Variants in IWS1 observed in about 807,000 individuals in gnomAD.
IWS1 encodes protein IWS1 homolog.
A neutral mutation model predicts 86.7 loss-of-function variants in IWS1; 27 were observed. The ratio of observed to expected loss-of-function variants is 0.31; its 90% CI spans 0.23 to 0.43. IWS1 has a LOEUF of 0.43. IWS1 is among the 20% of genes least tolerant of loss of function. The pLI, the probability that IWS1 is intolerant of heterozygous loss-of-function variation, is 1.00. For synonymous variants in IWS1, 313 were observed against 335.1 expected (o/e 0.93, Z 0.72); for missense variants, 827 against 1,000.8 (o/e 0.83, Z 2.34).
intron 2 of IWS1, among the ~76,000 whole-genome samples, chr2:127,516,923 AG>A (rs1691807707): frequency 6.6e-6 from 1 of 152,248 alleles, no homozygotes; most frequent in Non-Finnish European, 1.5e-5. Context: ...GCAATATACA[AG>A]GTTTGTTCCC....
chr2:127,496,146 A>G lies in IWS1; in HGVS notation c.1568T>C (p.Met523Thr). 6.2e-7 allele frequency: 1 copy of G among 1,607,246 alleles called. No homozygotes were observed. Among genetic ancestry groups the G allele is most frequent in the South Asian group, 1.1e-5 (1 of 89,590 alleles). Reference sequence around the variant, plus strand: ...CATCTCAAAATCTGACAGAAAGTCCATACTAAAGCAGTAAACAAAAGCAAG... The same window carrying G: ...CATCTCAAAATCTGACAGAAAGTCCGTACTAAAGCAGTAAACAAAAGCAAG... The part of the protein sequence containing the change: ...SDDNIKRGKH[M>T]DFLSDFEMML... Residue 523 changes from methionine (M) to threonine (T), a missense_variant and splice_region_variant, in exon 7 of 14, where the codon ATG (methionine) becomes ACG (threonine). By Grantham distance (81) the Met-to-Thr change is moderately conservative. This residue lies in a region of IWS1 where 279 missense variants were observed against 440.6 expected (regional missense o/e 0.63). Transcript: ENST00000295321.
At chr2:127,491,563 C>T (rs549787902) in intron 10 of IWS1, among the ~76,000 whole-genome samples, 9 of 152,292 alleles carry the variant, frequency 5.9e-5, no homozygotes, top group East Asian at 3.9e-4. Flanking sequence ...CCTGCCTCAG[C>T]CTCCCGAGTA....
At chr2:127,520,435 G>A (rs1692032743) in intron 2 of IWS1, among the ~76,000 whole-genome samples, 1 of 152,136 alleles carries the variant, frequency 6.6e-6, no homozygotes, top group African/African-American at 2.4e-5. Flanking sequence ...CCAAAGTGCT[G>A]GGATTACAGG....
Position 127,498,099 on chromosome 2 carries a change from T to C in IWS1, c.1565+41A>G, listed in dbSNP as rs757315757. 2.7e-6 allele frequency: 4 copies of C among 1,476,212 alleles called. No individual in the cohort carries two copies. In the Admixed American group the frequency reaches 7.0e-5, roughly 26 times the overall value. The allele number at this position is 1,476,212 out of a possible 1,614,324, so 91.4% of individuals were successfully genotyped here. On this transcript the variant is annotated intron_variant, in intron 6 of 13. Coordinates refer to ENST00000295321, the MANE Select transcript of IWS1 (RefSeq NM_017969.3). ...GAGTTTAATAGTCTCTACCTTGATT[T>C]TTAAACTTCTCTTTAACAAATTCCT...
chr2:127,489,793 T>C lies in IWS1; in HGVS notation c.2159+39A>G. 3 of 1,093,356 alleles carry C rather than the reference T, an allele frequency of 2.7e-6. No homozygotes were observed. Among genetic ancestry groups the C allele is most frequent in the Non-Finnish European group, 2.8e-6 (2 of 708,170 alleles). The allele number at this position is 1,093,356 out of a possible 1,614,324, so 67.7% of individuals were successfully genotyped here. ...ACTTAAAACTGAGTTACTGCAACAA[T>C]AACGTGTATTCCACTTACTCATACC... On this transcript the variant is annotated intron_variant, in intron 11 of 13. Transcript: ENST00000295321. This position sits in a 1 kb window ranked among gnomAD's most constrained non-coding sequence, Gnocchi z 4.8.
chr2:127,496,551 A>ACACG lies in IWS1; in HGVS notation c.1566-404_1566-403insCGTG, dbSNP rs57048318. Among the ~76,000 whole-genome samples, 84 of 11,422 alleles carry ACACG rather than the reference A, an allele frequency of 7.4e-3. 1 individual carries two copies. In the East Asian group the frequency reaches 0.17, roughly 23 times the overall value. 7.5% of individuals were successfully genotyped at this position (11,422 alleles called of 152,430 possible). A position where few individuals can be genotyped will look rare whatever the true frequency, so the allele number is the denominator to read the frequency against. The stretch of plus-strand genomic sequence containing the variant: ...AAACAGGTGTACCATATTTTATCAT[A>ACACG]CACACACACACACACACACACACAC... On this transcript the variant is annotated intron_variant, in intron 6 of 13. Coordinates refer to ENST00000295321, the MANE Select transcript of IWS1 (RefSeq NM_017969.3).
At chr2:127,510,802 T>TCA (rs1383706512) in intron 2 of IWS1, among the ~76,000 whole-genome samples, 1 of 152,142 alleles carries the variant, frequency 6.6e-6, no homozygotes, top group East Asian at 1.9e-4. Flanking sequence ...CTCTTTAGAC[T>TCA]CACTTCTTTC....
At chr2:127,491,940 A>G (rs1487934486) in intron 10 of IWS1, 31 bp downstream of exon 10, 1 of 1,326,784 alleles carries the variant, frequency 7.5e-7, no homozygotes, top group Non-Finnish European at 1.1e-6. Context: ...ATACACATAA[A>G]CACAACAAAC....
intron 2 of IWS1, among the ~76,000 whole-genome samples, chr2:127,511,952 C>A (rs186631561): frequency 7.2e-5 from 11 of 152,276 alleles, no homozygotes; most frequent in Admixed American, 6.5e-4. Flanking sequence ...CAAACAAGAG[C>A]AGACTTTTTC....
At chr2:127,482,264 T>C (rs947689051) in intron 13 of IWS1, 2 of 152,222 alleles carry the variant, frequency 1.3e-5, no homozygotes, top group African/African-American at 4.8e-5. Flanking sequence ...ATCCCACCTG[T>C]GGACCCAGCC....
At chr2:127,516,360 C>T (rs1691774651) in intron 2 of IWS1, among the ~76,000 whole-genome samples, 1 of 151,998 alleles carries the variant, frequency 6.6e-6, no homozygotes, top group Non-Finnish European at 1.5e-5. Context: ...GCAATACACA[C>T]ACACAAAATA....
At chr2:127,502,352 C>T (rs1014282113) in intron 5 of IWS1, among the ~76,000 whole-genome samples, 1 of 152,180 alleles carries the variant, frequency 6.6e-6, no homozygotes, top group Non-Finnish European at 1.5e-5. Flanking sequence ...CAAACACCCC[C>T]ACAGAAAAAG....
rs766735410 is a variant in IWS1 at position 127,503,416 on chromosome 2, C to T, written c.1380G>A (p.Gly460=). The T allele has an allele frequency of 6.2e-7, 1 of 1,613,024 alleles. No individual in the cohort carries two copies. Among genetic ancestry groups the T allele is most frequent in the Non-Finnish European group, 8.5e-7 (1 of 1,179,548 alleles). The stretch of plus-strand genomic sequence containing the variant: ...CTTCATTGCCTGACTCACTGTCACT[C>T]CCAAACAGATCCTTCTCTTCATTTT... ...DKKNEEKDLF[G]SDSESGNEEE... Residue 460 remains glycine (G), a synonymous_variant, in exon 4 of 14, where the codon GGG becomes GGA. Transcript: ENST00000295321.
intron 6 of IWS1, 138 bp from the exon 7 acceptor site, chr2:127,496,286 C>T: frequency 3.3e-6 from 3 of 906,326 alleles, no homozygotes; most frequent in Non-Finnish European, 1.6e-6. Flanking sequence ...CAAATACAGT[C>T]ATGCGCCGCA....
At position 127,489,743 on chromosome 2, in the gene IWS1, A is replaced by G. The variant is rs532711719; in HGVS notation, c.2159+89T>C. ...AGCTGAGAGGAAAGGAAATCCTATC[A>G]TCTTGCAGGCTTCCTAATGATCTTA... is the stretch of plus-strand genomic sequence containing the variant. On this transcript the variant is annotated intron_variant, in intron 11 of 13. Coordinates refer to ENST00000295321, the MANE Select transcript of IWS1 (RefSeq NM_017969.3). The surrounding 1 kb of genome is among the most constrained non-coding windows in gnomAD (Gnocchi z 4.8). 2.4e-4 allele frequency: 183 copies of G among 774,302 alleles called. 2 individuals are homozygous for G. The South Asian group carries it at 2.4e-3, about 10-fold the overall frequency. The allele number at this position is 774,302 out of a possible 1,614,324, so 48.0% of individuals were successfully genotyped here.
At chr2:127,486,225 T>TA (rs897907584) in intron 13 of IWS1, among the ~76,000 whole-genome samples, 43 of 148,834 alleles carry the variant, frequency 2.9e-4, no homozygotes, top group African/African-American at 5.4e-4. Flanking sequence ...TCATGGTTAT[T>TA]AAAAAAAAAA....
intron 2 of IWS1, among the ~76,000 whole-genome samples, chr2:127,507,759 T>C (rs1051750103): frequency 6.6e-6 from 1 of 152,188 alleles, no homozygotes; most frequent in African/African-American, 2.4e-5. Flanking sequence ...ATACACACAC[T>C]AGGTAGAGTT....
intron 4 of IWS1, 128 bp downstream of exon 4, chr2:127,503,259 A>C (rs1690912342): frequency 3.0e-6 from 2 of 661,604 alleles, no homozygotes; most frequent in Non-Finnish European, 5.1e-6. Flanking sequence ...TAGTGTGTTC[A>C]GTTCAGGAAC....
In IWS1 at chr2:127,523,716, T is replaced by G; in HGVS notation, c.110A>C (p.His37Pro). 1.9e-6 allele frequency: 3 copies of G among 1,613,830 alleles called. No individual in the cohort carries two copies. The highest frequency in any genetic ancestry group is 2.5e-6 in the Non-Finnish European group (3 of 1,179,910). Residue 37 changes from histidine to proline, a missense_variant, in exon 2 of 14, where the codon CAC becomes CCC. This residue lies in a region of IWS1 where 548 missense variants were observed against 560.2 expected (regional missense o/e 0.98). Transcript: ENST00000295321. Reference protein sequence around the residue: ...SDGEDDVNEQHSGSDTGSVER... With the variant: ...SDGEDDVNEQPSGSDTGSVER... ...TACACTTCCAGTGTCTGATCCGGAG[T>G]GTTGCTCATTTACATCATCCTCACC...
Sources: gnomAD v4.1 joint callset for allele counts (sites outside exome capture counted in the v4.1 genomes callset) on GRCh38, gnomAD v4.1.1 for gene constraint, gnomAD v4.1.1 regional missense constraint, Gnocchi (gnomAD v3.1) non-coding constraint, MANE v1.5 for transcripts, NCBI Gene and HGNC (gene_info 2026-07-23, HGNC 2026-07-21) for gene names.